The following TTLL11 variants were observed in gnomAD, a reference collection of about 807,000 sequenced individuals.
TTLL11 encodes the protein tubulin tyrosine ligase like 11.
TTLL11 carries 42 observed loss-of-function variants against 51.7 expected under a neutral mutation model. That is an observed-to-expected ratio of 0.81 (90% CI 0.64 to 1.05). The LOEUF is 1.05. TTLL11 is among the 50% of genes least tolerant of loss of function. TTLL11 has a pLI of 0.00. For synonymous variants in TTLL11, 381 were observed against 383.5 expected (o/e 0.99, Z 0.08); for missense variants, 799 against 940.4 (o/e 0.85, Z 1.97).
chr9:122,074,551 T>C (rs2131901321), intron 1 of TTLL11, among the ~76,000 whole-genome samples: 1 of 152,284 alleles, frequency 6.6e-6, no homozygotes, highest in African/African-American at 2.4e-5. Flanking sequence ...GCAATGGCAG[T>C]CATGTCTTAT....
chr9:122,050,814 C>A (rs1442819132), intron 1 of TTLL11, among the ~76,000 whole-genome samples: 1 of 152,320 alleles, frequency 6.6e-6, no homozygotes, highest in East Asian at 1.9e-4. Context: ...CACCTGCCAT[C>A]AGCCATGTGA....
chr9:122,063,847 T>C (rs1845498737), intron 1 of TTLL11, among the ~76,000 whole-genome samples: 1 of 152,162 alleles, frequency 6.6e-6, no homozygotes, highest in African/African-American at 2.4e-5. Flanking sequence ...ACCCTAGCAA[T>C]GGGGCGGCCT....
At position 121,928,588 on chromosome 9, in the gene TTLL11, G is replaced by A. The variant is rs115872937; in HGVS notation, c.1481+45421C>T. Among the ~76,000 whole-genome samples, 1,142 of 152,028 alleles carry A rather than the reference G, an allele frequency of 7.5e-3. 10 individuals carry two copies. Among genetic ancestry groups the A allele is most frequent in the African/African-American group, 0.026 (1,082 of 41,438 alleles). On this transcript the variant is annotated intron_variant, in intron 6 of 8. Coordinates refer to ENST00000321582, the MANE Select transcript of TTLL11 (RefSeq NM_001139442.2). ...CCCAAGTAGCTAGCACTACAGGTGCGCACGACCACACCCAGCTAATTTTTT... is the reference window on the plus strand; with the variant it reads ...CCCAAGTAGCTAGCACTACAGGTGCACACGACCACACCCAGCTAATTTTTT...
At chr9:121,997,687 C>G (rs888790882) in intron 3 of TTLL11, among the ~76,000 whole-genome samples, 11 of 152,172 alleles carry the variant, frequency 7.2e-5, no homozygotes, top group African/African-American at 2.4e-4. Context: ...CTATTTTTAG[C>G]ATTTCATTTA....
intron 6 of TTLL11, among the ~76,000 whole-genome samples, chr9:121,933,276 T>C (rs1308337624): frequency 6.6e-6 from 1 of 151,974 alleles, no homozygotes; most frequent in Non-Finnish European, 1.5e-5. Flanking sequence ...AAGAGAACGC[T>C]CTCCCGGGCT....
chr9:121,861,069 T>G (rs573310108), intron 7 of TTLL11, among the ~76,000 whole-genome samples: 1 of 148,784 alleles, frequency 6.7e-6, no homozygotes, highest in African/African-American at 2.5e-5. Context: ...GCAAGAACTT[T>G]AGAAAAGCAA....
chr9:122,017,186 C>A (rs1844013203), intron 3 of TTLL11, among the ~76,000 whole-genome samples: 2 of 152,180 alleles, frequency 1.3e-5, no homozygotes, highest in African/African-American at 4.8e-5. Flanking sequence ...AAAGCCCCTG[C>A]ATGCACACAC....
intron 1 of TTLL11, among the ~76,000 whole-genome samples, chr9:122,066,475 G>A (rs1455008848): frequency 1.3e-5 from 2 of 152,074 alleles, no homozygotes; most frequent in Non-Finnish European, 2.9e-5. Context: ...TGGAGACCAC[G>A]GAAAGATGGA....
chr9:122,079,568 GC>G (rs1408640216), intron 1 of TTLL11, among the ~76,000 whole-genome samples: 1 of 151,948 alleles, frequency 6.6e-6, no homozygotes, highest in Non-Finnish European at 1.5e-5. Context: ...AATTAGCTGG[GC>G]GTGGTGGCGG....
intron 2 of TTLL11, among the ~76,000 whole-genome samples, chr9:122,033,856 G>C (rs1327313764): frequency 6.6e-6 from 1 of 152,200 alleles, no homozygotes; most frequent in Non-Finnish European, 1.5e-5. Flanking sequence ...CTGTTCAATA[G>C]TCAAGAAAAC....
chr9:121,910,938 G>A (rs1840092773), intron 6 of TTLL11, among the ~76,000 whole-genome samples: 1 of 152,182 alleles, frequency 6.6e-6, no homozygotes, highest in South Asian at 2.1e-4. Flanking sequence ...GCCAGGAATA[G>A]TCATAGAGAT....
At chr9:122,064,973 G>C (rs1423091978) in intron 1 of TTLL11, among the ~76,000 whole-genome samples, 1 of 152,158 alleles carries the variant, frequency 6.6e-6, no homozygotes, top group Non-Finnish European at 1.5e-5. Context: ...GATAATGTGA[G>C]CCTTGGTGCT....
intron 6 of TTLL11, among the ~76,000 whole-genome samples, chr9:121,951,080 G>A (rs1275118023): frequency 3.9e-5 from 6 of 152,146 alleles, no homozygotes; most frequent in South Asian, 2.1e-4. Context: ...GCCTGATGGC[G>A]GAACATCAGC....
At chr9:122,007,634 C>G (rs937698233) in intron 3 of TTLL11, among the ~76,000 whole-genome samples, 1 of 152,124 alleles carries the variant, frequency 6.6e-6, no homozygotes, top group African/African-American at 2.4e-5. Context: ...AACAGGCATG[C>G]ACACATACAT....
intron 6 of TTLL11, among the ~76,000 whole-genome samples, chr9:121,952,300 G>T (rs920981504): frequency 6.6e-6 from 1 of 152,014 alleles, no homozygotes; most frequent in Admixed American, 6.6e-5. Context: ...ACAAAAATTA[G>T]CCACGTGTGG....
At chr9:121,944,677 A>G (rs1841603242) in intron 6 of TTLL11, among the ~76,000 whole-genome samples, 1 of 152,186 alleles carries the variant, frequency 6.6e-6, no homozygotes, top group South Asian at 2.1e-4. Context: ...TCCATTGGCA[A>G]ATGGAAATCA....
chr9:122,077,665 T>C (rs1053674237), intron 1 of TTLL11, among the ~76,000 whole-genome samples: 9 of 151,984 alleles, frequency 5.9e-5, no homozygotes, highest in Non-Finnish European at 1.0e-4. Context: ...ATGTAAAATA[T>C]TGGACAAAAA....
intron 1 of TTLL11, among the ~76,000 whole-genome samples, chr9:122,070,011 A>ACACG (rs1554791316): frequency 7.9e-5 from 12 of 151,292 alleles, no homozygotes; most frequent in African/African-American, 2.2e-4. Context: ...ACACACACAC[A>ACACG]CGCGCACACA....
intron 6 of TTLL11, among the ~76,000 whole-genome samples, chr9:121,935,068 C>T (rs966700324): frequency 6.6e-6 from 1 of 152,120 alleles, no homozygotes; most frequent in African/African-American, 2.4e-5. Flanking sequence ...GATTCTTCTG[C>T]CTCGGCCTCC....
Sources: allele counts gnomAD v4.1 joint callset (sites outside exome capture counted in the v4.1 genomes callset), GRCh38; gene constraint gnomAD v4.1.1; transcripts MANE v1.5; gene names NCBI Gene and HGNC (gene_info 2026-07-23, HGNC 2026-07-21).